The following MAP3K3 variants were observed in gnomAD, a reference collection of about 807,000 sequenced individuals.
MAP3K3 encodes MAP/ERK kinase kinase 3.
MAP3K3 carries 12 observed loss-of-function variants against 80.9 expected under a neutral mutation model. The observed-to-expected ratio is 0.15, with a 90% CI of 0.10 to 0.24. The LOEUF is 0.24. MAP3K3 is among the 10% of genes least tolerant of loss of function. The pLI, the probability that MAP3K3 is intolerant of heterozygous loss-of-function variation, is 1.00. For missense variants in MAP3K3, 596 were observed against 834.7 expected (o/e 0.71, Z 3.52); for synonymous variants, 272 against 307.1 (o/e 0.89, Z 1.19).
At chr17:63,669,254 G>C (rs2035056516) in intron 6 of MAP3K3, among the ~76,000 whole-genome samples, 1 of 152,180 alleles carries the variant, frequency 6.6e-6, no homozygotes, top group African/African-American at 2.4e-5. Context: ...CAAGGGGAGA[G>C]AGGAGAGGGC....
chr17:63,663,192 T>C (rs529496012), intron 5 of MAP3K3, among the ~76,000 whole-genome samples: 22 of 152,202 alleles, frequency 1.4e-4, no homozygotes, highest in African/African-American at 5.1e-4. Context: ...CACTTTCATA[T>C]ATGAACAGTG....
At chr17:63,668,610 C>G (rs918315173) in intron 6 of MAP3K3, among the ~76,000 whole-genome samples, 3 of 152,104 alleles carry the variant, frequency 2.0e-5, no homozygotes, top group African/African-American at 7.2e-5. Context: ...TCTCTTGCCC[C>G]CAAGCAAGAG....
In MAP3K3 at chr17:63,634,659, T is replaced by G. The variant is rs543946292; in HGVS notation, c.126+1857T>G. 2.1e-6 allele frequency: 3 copies of G among 1,457,620 alleles called. No homozygotes were observed. In the East Asian group the frequency reaches 6.8e-5, roughly 33 times the overall value. 90.3% of individuals were successfully genotyped at this position (1,457,620 alleles called of 1,614,324 possible). On this transcript the variant is annotated intron_variant, in intron 2 of 15. Coordinates refer to ENST00000361733, the MANE Select transcript of MAP3K3 (RefSeq NM_002401.5). ...ATTTACTTCAATGTTGTCAAACTTA[T>G]GTTGCACGAAGGATACAAATTATTA...
chr17:63,649,106 T>C (rs950268796), intron 3 of MAP3K3, among the ~76,000 whole-genome samples: 2 of 152,084 alleles, frequency 1.3e-5, no homozygotes, highest in African/African-American at 4.8e-5. Flanking sequence ...GCACTTGAAA[T>C]GTGGTTGGTG....
At chr17:63,624,691 A>G (rs2034065815) in intron 1 of MAP3K3, among the ~76,000 whole-genome samples, 1 of 152,242 alleles carries the variant, frequency 6.6e-6, no homozygotes, top group South Asian at 2.1e-4. Context: ...TGCAAGAGGA[A>G]TTAACTTCCC....
intron 5 of MAP3K3, among the ~76,000 whole-genome samples, chr17:63,660,529 C>T (rs1034609778): frequency 1.3e-5 from 2 of 151,638 alleles, no homozygotes; most frequent in African/African-American, 4.8e-5. Context: ...CTTCTTGTTC[C>T]TGTTTTGAAT....
chr17:63,662,471 T>A (rs1166369228), intron 5 of MAP3K3, among the ~76,000 whole-genome samples: 1 of 151,880 alleles, frequency 6.6e-6, no homozygotes, highest in African/African-American at 2.4e-5. Flanking sequence ...ATCTTTCACT[T>A]GATTTTTACA....
intron 8 of MAP3K3, chr17:63,688,154 G>T: frequency 3.6e-6 from 1 of 281,398 alleles, no homozygotes; most frequent in Non-Finnish European, 6.8e-6. Flanking sequence ...AAATAGGTAA[G>T]AAAGCAGCAG....
chr17:63,689,128 A>G lies in MAP3K3; in HGVS notation c.871+247A>G, dbSNP rs2035526716. 2 of 579,092 alleles carry G rather than the reference A, an allele frequency of 3.5e-6. No individual in the cohort carries two copies. The highest frequency in any genetic ancestry group is 1.9e-5 in the African/African-American group (1 of 53,386). 35.9% of individuals were successfully genotyped at this position (579,092 alleles called of 1,614,324 possible). A position where few individuals can be genotyped will look rare whatever the true frequency, so the allele number is the denominator to read the frequency against. On this transcript the variant is annotated intron_variant, in intron 10 of 15. Transcript: ENST00000361733. The surrounding 1 kb of genome is among the most constrained non-coding windows in gnomAD (Gnocchi z 4.3). The stretch of plus-strand genomic sequence containing the variant: ...GCCAGTGGTGTGCTCCAGGGGCACC[A>G]TCTCTCCCATGTCCTCTTCTGCCCC...
intron 2 of MAP3K3, among the ~76,000 whole-genome samples, chr17:63,637,414 A>G (rs897231806): frequency 1.3e-5 from 2 of 152,224 alleles, no homozygotes; most frequent in Non-Finnish European, 2.9e-5. Context: ...TTTACCATGT[A>G]TAAGTCATAT....
rs117050333 is a variant in MAP3K3 at position 63,686,162 on chromosome 17, C to T, written c.710+572C>T. Among the ~76,000 whole-genome samples, 4 of 152,284 alleles carry T rather than the reference C, an allele frequency of 2.6e-5. No individual in the cohort carries two copies. In the East Asian group the frequency reaches 7.7e-4, roughly 29 times the overall value. On this transcript the variant is annotated intron_variant, in intron 8 of 15. Coordinates refer to ENST00000361733, the MANE Select transcript of MAP3K3 (RefSeq NM_002401.5). The stretch of plus-strand genomic sequence containing the variant: ...CTTGGCATTGATCTTGCCACTCCCT[C>T]GCCTCTGCCTCATTATGCCCAAGAA...
At chr17:63,653,725 TCTA>T (rs1186529501) in intron 4 of MAP3K3, among the ~76,000 whole-genome samples, 1 of 152,170 alleles carries the variant, frequency 6.6e-6, no homozygotes, top group African/African-American at 2.4e-5. Flanking sequence ...AAATGAAAAA[TCTA>T]CTGAGATTTT....
At chr17:63,651,186 A>G (rs2034648162) in intron 3 of MAP3K3, among the ~76,000 whole-genome samples, 5 of 152,146 alleles carry the variant, frequency 3.3e-5, no homozygotes, top group Admixed American at 6.5e-5. Flanking sequence ...TAATACATTC[A>G]TTCAAACTTT....
chr17:63,671,000 A>T (rs368352492), intron 6 of MAP3K3, among the ~76,000 whole-genome samples: 2 of 152,156 alleles, frequency 1.3e-5, no homozygotes, highest in South Asian at 2.1e-4. Context: ...GAAAAGATTG[A>T]TCTGGCTACA....
intron 6 of MAP3K3, among the ~76,000 whole-genome samples, chr17:63,677,635 G>A (rs2143531346): frequency 6.6e-6 from 1 of 152,218 alleles, no homozygotes; most frequent in Admixed American, 6.5e-5. Flanking sequence ...CCCTCTGTTG[G>A]CCAAGCGGCA....
At chr17:63,686,174 A>C (rs9912904) in intron 8 of MAP3K3, among the ~76,000 whole-genome samples, 42,686 of 152,038 alleles carry the variant, frequency 0.28, 6,416 homozygotes, top group Middle Eastern at 0.37. Flanking sequence ...CCTCTGCCTC[A>C]TTATGCCCAA....
Position 63,673,950 on chromosome 17 carries a change from C to T in MAP3K3, c.502+6890C>T, listed in dbSNP as rs142389125. On this transcript the variant is annotated intron_variant, in intron 6 of 15. Coordinates refer to ENST00000361733, the MANE Select transcript of MAP3K3 (RefSeq NM_002401.5). The stretch of plus-strand genomic sequence containing the variant: ...TAAAAATTATCCAGGTGTGGTCGTG[C>T]GCATCTGTAATCCCAGCTACTTGGG... Among the ~76,000 whole-genome samples, 97 of 151,960 alleles carry T rather than the reference C, an allele frequency of 6.4e-4. No individual in the cohort carries two copies. In the East Asian group the frequency reaches 0.018, roughly 29 times the overall value.
chr17:63,658,891 T>C (rs2034827478), intron 5 of MAP3K3, among the ~76,000 whole-genome samples: 1 of 152,098 alleles, frequency 6.6e-6, no homozygotes. Context: ...CCCGCCACCA[T>C]GCCTGGCTAA....
intron 6 of MAP3K3, 133 bp downstream of exon 6, chr17:63,667,193 C>T: frequency 1.0e-6 from 1 of 978,372 alleles, no homozygotes; most frequent in Non-Finnish European, 1.4e-6. Context: ...ATCCTTTATG[C>T]CTTTATTTTA....
Sources: allele counts gnomAD v4.1 joint callset (sites outside exome capture counted in the v4.1 genomes callset), GRCh38; gene constraint gnomAD v4.1.1; non-coding constraint Gnocchi (gnomAD v3.1); transcripts MANE v1.5; gene names NCBI Gene and HGNC (gene_info 2026-07-23, HGNC 2026-07-21).